The following UGGT2 variants were observed in gnomAD, a reference collection of about 807,000 sequenced individuals.
UGGT2 encodes UDP-glucose:glycoprotein glucosyltransferase 2.
Under a neutral mutation model 192.1 loss-of-function variants are expected in UGGT2, and 180 were observed. The ratio of observed to expected loss-of-function variants is 0.94; its 90% confidence interval spans 0.83 to 1.06. UGGT2 has a LOEUF of 1.06. UGGT2 is among the 50% of genes least tolerant of loss of function. The pLI, the probability that UGGT2 is intolerant of heterozygous loss-of-function variation, is 0.00. For missense variants in UGGT2, 1,849 were observed against 1,795.7 expected, an observed-to-expected ratio of 1.03 and a Z score of -0.54; for synonymous variants, 580 against 591.0, an observed-to-expected ratio of 0.98 and a Z score of 0.27.
intron 16 of UGGT2, 116 bp downstream of exon 16, chr13:95,939,841 T>A (rs371063364): frequency 1.2e-6 from 1 of 840,632 alleles, no homozygotes; most frequent in East Asian, 3.2e-5. Flanking sequence ...GTAACCCCCA[T>A]TTTACTCTGT....
At chr13:95,965,339 C>A (rs1302733479) in intron 12 of UGGT2, among the ~76,000 whole-genome samples, 1 of 150,516 alleles carries the variant, frequency 6.6e-6, no homozygotes, top group Non-Finnish European at 1.5e-5. Flanking sequence ...TTGGAACCAA[C>A]CCAAATGTCC....
chr13:95,952,545 A>G (rs1240996278), intron 12 of UGGT2, among the ~76,000 whole-genome samples: 2 of 152,096 alleles, frequency 1.3e-5, no homozygotes, highest in Admixed American at 1.3e-4. Flanking sequence ...TAAAATTTGT[A>G]TTTTTTTATT....
At position 95,833,375 on chromosome 13, in the gene UGGT2, T is replaced by C. The variant is rs184599902; in HGVS notation, c.4402-322A>G. On this transcript the variant is annotated intron_variant, in intron 37 of 38. Transcript: ENST00000376747. ...TACATTACCACTATGTAGAAGAACA[T>C]AGCAGACTAGTGTGCTTTGTAGGCA... 3.0e-3 allele frequency among the ~76,000 whole-genome samples: 464 copies of C among 152,260 alleles called. 2 individuals carry two copies. The highest frequency in any genetic ancestry group is 0.011 in the African/African-American group (443 of 41,570).
chr13:95,858,206 T>G (rs4773927), intron 33 of UGGT2, among the ~76,000 whole-genome samples: 45,785 of 151,644 alleles, frequency 0.3, 7,535 homozygotes, highest in Admixed American at 0.37. Flanking sequence ...CCCTTCACCC[T>G]ATCTCCCAGG....
chr13:96,047,118 G>C (rs2053337623), intron 1 of UGGT2, among the ~76,000 whole-genome samples: 1 of 152,212 alleles, frequency 6.6e-6, no homozygotes, highest in African/African-American at 2.4e-5. Context: ...TTTGAAGAGA[G>C]TGGTGCTTCT....
intron 3 of UGGT2, 150 bp from the exon 4 acceptor site, chr13:96,023,302 G>C (rs1179091919): frequency 3.3e-6 from 2 of 609,462 alleles, no homozygotes; most frequent in Non-Finnish European, 4.9e-6. Context: ...TACGTAGGTA[G>C]AATCTAAGAA....
At position 95,946,012 on chromosome 13, in the gene UGGT2, A is replaced by G. The variant is rs570159914; in HGVS notation, c.1677+1025T>C. Among the ~76,000 whole-genome samples the G allele has an allele frequency of 4.6e-5, 7 of 152,130 alleles. No individual in the cohort carries two copies. In the South Asian group the frequency reaches 1.5e-3, roughly 32 times the overall value. ...ATTGACAAGCTAAAGCCCAATGAAT[A>G]TAAAAATGAAAAAAAACTTCTATTT... On this transcript the variant is annotated intron_variant, in intron 15 of 38. Transcript: ENST00000376747.
In UGGT2 at chr13:95,927,053, CT is replaced by C; in HGVS notation, c.2174del (p.Lys725ArgfsTer6). On this transcript the variant is annotated frameshift_variant, in exon 19 of 39. Coordinates refer to ENST00000376747, the MANE Select transcript of UGGT2 (RefSeq NM_020121.4). LOFTEE classifies it high-confidence loss of function. ...CGTCTTGGGTTAAATAATACATGTT[CT>C]TTGCAATTACAGCACTCTTATCTTG... ...DSQDKSAVIA[K>X]NMYYLTQDDE... The C allele has an allele frequency of 3.7e-6, 6 of 1,609,850 alleles. No individual in the cohort carries two copies. The highest frequency in any genetic ancestry group is 5.1e-6 in the Non-Finnish European group (6 of 1,178,740).
intron 20 of UGGT2, among the ~76,000 whole-genome samples, chr13:95,921,627 G>A (rs143303445): frequency 3.3e-5 from 5 of 152,014 alleles, no homozygotes; most frequent in African/African-American, 1.2e-4. Context: ...AGTGAGCAAA[G>A]GAATGGGCAC....
At chr13:95,936,134 CT>C (rs1017615902) in intron 17 of UGGT2, among the ~76,000 whole-genome samples, 2 of 152,172 alleles carry the variant, frequency 1.3e-5, no homozygotes, top group African/African-American at 4.8e-5. Context: ...GACCTAAATT[CT>C]TTTTTGTTAT....
intron 1 of UGGT2, among the ~76,000 whole-genome samples, chr13:96,034,023 C>T (rs184494227): frequency 1.4e-4 from 21 of 152,266 alleles, no homozygotes; most frequent in Admixed American, 5.9e-4. Context: ...TGAGAACGTA[C>T]GGTGTTTTTG....
At chr13:95,961,572 C>A (rs990723630) in intron 12 of UGGT2, among the ~76,000 whole-genome samples, 1 of 151,790 alleles carries the variant, frequency 6.6e-6, no homozygotes, top group Admixed American at 6.6e-5. Flanking sequence ...ATATATGCAC[C>A]CAAACACTGG....
In UGGT2 at chr13:95,970,214, G is replaced by A; in HGVS notation, c.1233C>T (p.Arg411=). 1.2e-6 allele frequency: 2 copies of A among 1,613,132 alleles called. No homozygotes were observed. Among genetic ancestry groups the A allele is most frequent in the South Asian group, 2.2e-5 (2 of 91,022 alleles). The part of the protein sequence containing the change: ...KLEGKMMNGL[R]NLGINGEDMS... Reference sequence around the variant, plus strand: ...TATCTTCCCCATTGATCCCAAGATTGCGAAGGCCATTCATCATTTTTCCTT... The same window carrying A: ...TATCTTCCCCATTGATCCCAAGATTACGAAGGCCATTCATCATTTTTCCTT... The change falls in exon 12 of 39, where the codon CGC becomes CGT. Residue 411 remains arginine (R), a synonymous_variant. Coordinates refer to ENST00000376747, the MANE Select transcript of UGGT2 (RefSeq NM_020121.4).
In UGGT2 at chr13:96,033,671, G is replaced by A. The variant is rs116741806; in HGVS notation, c.159-1700C>T. 1.1e-3 allele frequency among the ~76,000 whole-genome samples: 166 copies of A among 152,236 alleles called. 2 individuals carry two copies. The highest frequency in any genetic ancestry group is 2.7e-3 in the East Asian group (14 of 5,170). On this transcript the variant is annotated intron_variant, in intron 1 of 38. Transcript: ENST00000376747. ...TGCTCCCAATCCCTGCTTCAATTTC[G>A]GAGCAAAGTTGCACCTGAGCCTAGA...
In UGGT2 at chr13:96,047,795, A is replaced by G. The variant is rs143058379; in HGVS notation, c.158+5360T>C. Among the ~76,000 whole-genome samples, 128 of 152,326 alleles carry G rather than the reference A, an allele frequency of 8.4e-4. 2 individuals carry two copies. In the East Asian group the frequency reaches 0.022, roughly 26 times the overall value. On this transcript the variant is annotated intron_variant, in intron 1 of 38. Transcript: ENST00000376747. ...CAACAAGAAGAGCTAACTATCCTAA[A>G]TACATATGCACCCAATACAGGAGCA...
intron 36 of UGGT2, among the ~76,000 whole-genome samples, chr13:95,838,786 A>C (rs1887564602): frequency 6.6e-6 from 1 of 152,092 alleles, no homozygotes; most frequent in South Asian, 2.1e-4. Context: ...CTGGCCTACC[A>C]TATTATCTAA....
intron 17 of UGGT2, among the ~76,000 whole-genome samples, chr13:95,936,057 A>G (rs190061381): frequency 6.6e-6 from 1 of 152,194 alleles, no homozygotes; most frequent in Non-Finnish European, 1.5e-5. Flanking sequence ...CAAACTCATC[A>G]GCTCAAGTGA....
At chr13:95,951,323 G>C (rs956321918) in intron 12 of UGGT2, among the ~76,000 whole-genome samples, 35 of 152,332 alleles carry the variant, frequency 2.3e-4, no homozygotes, top group Non-Finnish European at 7.3e-5. Flanking sequence ...TATTTGAGCA[G>C]TTAGAAGAAA....
chr13:96,033,338 G>A (rs532324159), intron 1 of UGGT2, among the ~76,000 whole-genome samples: 11 of 152,282 alleles, frequency 7.2e-5, no homozygotes, highest in South Asian at 2.1e-4. Context: ...TGTACTCCAC[G>A]GAGCTGGTGG....
Sources: allele counts gnomAD v4.1 joint callset (sites outside exome capture counted in the v4.1 genomes callset), GRCh38; gene constraint gnomAD v4.1.1; transcripts MANE v1.5; gene names NCBI Gene and HGNC (gene_info 2026-07-23, HGNC 2026-07-21).